AGO1: variants seen among roughly 807,000 people sequenced by gnomAD.
AGO1 encodes argonaute RISC component 1.
AGO1 carries 11 observed loss-of-function variants against 109.2 expected under a neutral mutation model. The observed-to-expected ratio is 0.10, with a 90% CI of 0.06 to 0.17. The LOEUF is 0.17. AGO1 is among the 10% of genes least tolerant of loss of function. AGO1 has a pLI of 1.00. For synonymous variants in AGO1, 422 were observed against 418.6 expected (o/e 1.01, Z -0.10); for missense variants, 574 against 1,140.3 (o/e 0.50, Z 7.15).
At chr1:35,903,891 A>T (rs1645468272) in intron 11 of AGO1, among the ~76,000 whole-genome samples, 1 of 151,600 alleles carries the variant, frequency 6.6e-6, no homozygotes, top group Non-Finnish European at 1.5e-5. Context: ...TGAACCCGGG[A>T]GGCAGAGGTT....
chr1:35,920,223 C>G lies in AGO1; in HGVS notation c.*616C>G, dbSNP rs2057606. 1,791 of 152,566 alleles carry G rather than the reference C, an allele frequency of 0.012. 10 individuals are homozygous for G. The highest frequency in any genetic ancestry group is 0.02 in the Non-Finnish European group (1,331 of 68,118). 9.5% of individuals were successfully genotyped at this position (152,566 alleles called of 1,614,324 possible). On this transcript the variant is annotated 3_prime_UTR_variant, in exon 19 of 19. Coordinates refer to ENST00000373204, the MANE Select transcript of AGO1 (RefSeq NM_012199.5). Reference sequence around the variant, plus strand: ...GTTGCTCCTCCCCCAGCTGCCACCCCCCACCTTACCCTTATTCCTCTCTGT... The same window carrying G: ...GTTGCTCCTCCCCCAGCTGCCACCCGCCACCTTACCCTTATTCCTCTCTGT...
rs978102549 is a variant in AGO1, at chr1:35,927,988, G to A, written c.*8381G>A. On this transcript the variant is annotated 3_prime_UTR_variant, in exon 19 of 19. Coordinates refer to ENST00000373204, the MANE Select transcript of AGO1 (RefSeq NM_012199.5). ...TAATCTTGGCCCATGTGAGAGGATTGTACTCAGTTGCTCTCCTCATCCAGT... is the reference window on the plus strand; with the variant it reads ...TAATCTTGGCCCATGTGAGAGGATTATACTCAGTTGCTCTCCTCATCCAGT... 4 of 152,218 alleles carry A rather than the reference G, an allele frequency of 2.6e-5. No homozygotes were observed. The highest frequency in any genetic ancestry group is 5.9e-5 in the Non-Finnish European group (4 of 68,056). 9.4% of individuals were successfully genotyped at this position (152,218 alleles called of 1,614,324 possible). A position where few individuals can be genotyped will look rare whatever the true frequency, so the allele number is the denominator to read the frequency against.
intron 14 of AGO1, among the ~76,000 whole-genome samples, chr1:35,915,093 G>T (rs1195966421): frequency 6.6e-6 from 1 of 152,146 alleles, no homozygotes; most frequent in African/African-American, 2.4e-5. Context: ...TACGTCCTGT[G>T]TAAGGTGCTT....
At chr1:35,917,447 C>T (rs919230357) in intron 15 of AGO1, 146 bp from the exon 16 acceptor site, 5 of 911,132 alleles carry the variant, frequency 5.5e-6, no homozygotes, top group Non-Finnish European at 8.2e-6. Flanking sequence ...AAGGGCCTGT[C>T]ATCTCTAATT....
chr1:35,908,336 A>G (rs1645563885), intron 12 of AGO1, among the ~76,000 whole-genome samples: 1 of 152,206 alleles, frequency 6.6e-6, no homozygotes, highest in Non-Finnish European at 1.5e-5. Context: ...GGTATTCTAC[A>G]GGTTCCTATT....
At chr1:35,902,423 AT>A in intron 11 of AGO1, 86 bp downstream of exon 11, 1 of 1,529,954 alleles carries the variant, frequency 6.5e-7, no homozygotes, top group South Asian at 1.3e-5. Context: ...GCTGATATTG[AT>A]CAGTAATGTG....
rs763635186 is a variant in AGO1, at chr1:35,918,387, G to A, written c.2229G>A (p.Glu743=). The change falls in exon 17 of 19, where the codon GAG becomes GAA. Residue 743 remains glutamate, a synonymous_variant. Transcript: ENST00000373204. ...ACACCAACATCACCCACCCATTTGA[G>A]TTTGACTTCTATCTGTGCAGCCACG... The part of the protein sequence containing the change: ...TVDTNITHPF[E]FDFYLCSHAG... The A allele has an allele frequency of 1.9e-6, 3 of 1,614,154 alleles. No individual in the cohort carries two copies. Among genetic ancestry groups the A allele is most frequent in the Admixed American group, 1.7e-5 (1 of 60,020 alleles).
In AGO1 at chr1:35,883,273, G is replaced by T; in HGVS notation, c.-149G>T. ...AGGCTCCGCGGCGGCGGCAACGGAG[G>T]CTGCGGGGGCGGCGGCGCGAGCGGC... is the stretch of plus-strand genomic sequence containing the variant. On this transcript the variant is annotated 5_prime_UTR_variant, in exon 1 of 19. Coordinates refer to ENST00000373204, the MANE Select transcript of AGO1 (RefSeq NM_012199.5). The surrounding 1 kb of genome is among the most constrained non-coding windows in gnomAD (Gnocchi z 5.4). The T allele has an allele frequency of 7.2e-7, 1 of 1,388,328 alleles. No homozygotes were observed. The highest frequency in any genetic ancestry group is 9.3e-7 in the Non-Finnish European group (1 of 1,070,926). The allele number at this position is 1,388,328 out of a possible 1,614,324, so 86.0% of individuals were successfully genotyped here.
intron 17 of AGO1, among the ~76,000 whole-genome samples, 191 bp from the exon 18 acceptor site, chr1:35,918,864 T>C (rs932415953): frequency 2.0e-5 from 3 of 152,236 alleles, no homozygotes; most frequent in Admixed American, 2.0e-4. Flanking sequence ...CCAGGACTGC[T>C]GTCGTAATAA....
intron 12 of AGO1, among the ~76,000 whole-genome samples, chr1:35,912,200 A>C (rs1307597565): frequency 6.6e-6 from 1 of 151,858 alleles, no homozygotes; most frequent in Non-Finnish European, 1.5e-5. Context: ...TACTAAAAAC[A>C]TACAAAAAAT....
In AGO1 at chr1:35,888,535, T is replaced by C. The variant is rs1297216732; in HGVS notation, c.134T>C (p.Val45Ala). ...AAGCTCCTGGCCAATTACTTTGAGGTGGACATCCCTAAGATCGACGTGTAC... is the reference window on the plus strand; with the variant it reads ...AAGCTCCTGGCCAATTACTTTGAGGCGGACATCCCTAAGATCGACGTGTAC... The part of the protein sequence containing the change: ...PIKLLANYFE[V>A]DIPKIDVYHY... Residue 45 changes from valine to alanine, a missense_variant, in exon 2 of 19, where the codon GTG (valine) becomes GCG (alanine). Coordinates refer to ENST00000373204, the MANE Select transcript of AGO1 (RefSeq NM_012199.5). This position sits in a 1 kb window ranked among gnomAD's most constrained non-coding sequence, Gnocchi z 4.1. The C allele has an allele frequency of 6.2e-7, 1 of 1,614,050 alleles. No homozygotes were observed. The highest frequency in any genetic ancestry group is 2.2e-5 in the East Asian group (1 of 44,900).
Position 35,906,927 on chromosome 1 carries a change from G to C in AGO1, c.1398-8G>C, listed in dbSNP as rs1271156902. 2 of 1,606,284 alleles carry C rather than the reference G, an allele frequency of 1.2e-6. No homozygotes were observed. The highest frequency in any genetic ancestry group is 1.7e-6 in the Non-Finnish European group (2 of 1,175,576). ...CACTGCCTCCTTTGTGACCATGCGT[G>C]TGTACAGGAACTTCACAGACCAGCT... On this transcript the variant is annotated splice_polypyrimidine_tract_variant and splice_region_variant and intron_variant, in intron 11 of 18. Transcript: ENST00000373204.
At chr1:35,907,788 A>G (rs539377589) in intron 12 of AGO1, among the ~76,000 whole-genome samples, 17 of 152,148 alleles carry the variant, frequency 1.1e-4, no homozygotes, top group African/African-American at 4.1e-4. Context: ...CATTACCACA[A>G]TCTTACCATC....
intron 7 of AGO1, 63 bp from the exon 8 acceptor site, chr1:35,895,059 G>T: frequency 6.5e-7 from 1 of 1,534,802 alleles, no homozygotes; most frequent in Non-Finnish European, 8.8e-7. Flanking sequence ...ATGGTTGTGG[G>T]TCTAGAGAAG....
intron 12 of AGO1, among the ~76,000 whole-genome samples, chr1:35,912,360 GAAAAAAAAAA>G (rs753525049): frequency 2.5e-5 from 1 of 40,612 alleles, no homozygotes; most frequent in Non-Finnish European, 5.2e-5. Flanking sequence ...CTCTGTCTCA[GAAAAAAAAAA>G]AAAAAAAAAA....
chr1:35,881,863 C>T (rs180796525), upstream of AGO1, among the ~76,000 whole-genome samples: 43 of 152,274 alleles, frequency 2.8e-4, no homozygotes, highest in East Asian at 8.3e-3. Context: ...TATCACTGCA[C>T]CAGACCGAAT....
At chr1:35,872,705 A>G (rs900391698) in intron 1 of AGO1, among the ~76,000 whole-genome samples, 7 of 151,908 alleles carry the variant, frequency 4.6e-5, no homozygotes, top group African/African-American at 1.7e-4. Context: ...CCGAGAAGCT[A>G]GGACTACAGT....
chr1:35,915,492 A>G lies in AGO1; in HGVS notation c.1978A>G (p.Thr660Ala), dbSNP rs762360695. 4 of 1,613,956 alleles carry G rather than the reference A, an allele frequency of 2.5e-6. No homozygotes were observed. The highest frequency in any genetic ancestry group is 3.4e-6 in the Non-Finnish European group (4 of 1,180,022). The stretch of plus-strand genomic sequence containing the variant: ...CTACAAGTCCACCCGTTTCAAGCCT[A>G]CCCGCATCATCTTCTACCGAGATGG... The part of the protein sequence containing the change: ...QFYKSTRFKP[T>A]RIIFYRDGVP... Residue 660 changes from threonine (T) to alanine (A), a missense_variant, in exon 15 of 19, where the codon ACC becomes GCC. By Grantham distance (58) the Thr-to-Ala change is moderately conservative. Coordinates refer to ENST00000373204, the MANE Select transcript of AGO1 (RefSeq NM_012199.5).
chr1:35,875,235 C>A (rs1310658706), intron 1 of AGO1, among the ~76,000 whole-genome samples: 1 of 152,184 alleles, frequency 6.6e-6, no homozygotes, highest in African/African-American at 2.4e-5. Context: ...CAGGCTAACT[C>A]TTTTATTAGG....
Sources: gnomAD v4.1 joint callset for allele counts (sites outside exome capture counted in the v4.1 genomes callset) on GRCh38, gnomAD v4.1.1 for gene constraint, Gnocchi (gnomAD v3.1) non-coding constraint, MANE v1.5 for transcripts, NCBI Gene and HGNC (gene_info 2026-07-23, HGNC 2026-07-21) for gene names.